NARS2: variants seen among roughly 807,000 people sequenced by gnomAD.
The protein encoded by NARS2 is asparaginyl-tRNA synthetase.
Under a neutral mutation model 62.9 loss-of-function variants are expected in NARS2, and 60 were observed. The ratio of observed to expected loss-of-function variants is 0.95; its 90% confidence interval spans 0.77 to 1.18. The LOEUF is 1.18. NARS2 is among the 50% of genes most tolerant of loss of function. The pLI, the probability that NARS2 is intolerant of heterozygous loss-of-function variation, is 0.00. For synonymous variants in NARS2, 196 were observed against 200.0 expected, an observed-to-expected ratio of 0.98 and a Z score of 0.17; for missense variants, 619 against 576.4, an observed-to-expected ratio of 1.07 and a Z score of -0.76.
chr11:78,517,824 TTCC>T (rs1860968235), intron 6 of NARS2, among the ~76,000 whole-genome samples: 1 of 152,238 alleles, frequency 6.6e-6, no homozygotes, highest in South Asian at 2.1e-4. Context: ...TATGACGAAG[TTCC>T]TCATTTATAC....
intron 9 of NARS2, among the ~76,000 whole-genome samples, chr11:78,477,342 G>A (rs1406271953): frequency 2.0e-5 from 3 of 152,006 alleles, no homozygotes; most frequent in African/African-American, 4.8e-5. Flanking sequence ...CTGTGTTCCC[G>A]ATACCACCCC....
At chr11:78,523,874 C>A (rs1212539671) in intron 6 of NARS2, among the ~76,000 whole-genome samples, 1 of 151,990 alleles carries the variant, frequency 6.6e-6, no homozygotes, top group Non-Finnish European at 1.5e-5. Context: ...AGTGATAAAA[C>A]CTTAAAATTA....
intron 9 of NARS2, among the ~76,000 whole-genome samples, chr11:78,470,882 A>T (rs1220593818): frequency 7.4e-6 from 1 of 135,148 alleles, no homozygotes; most frequent in East Asian, 2.1e-4. Context: ...AGTATTTTGG[A>T]TTTTTTTTTT....
intron 1 of NARS2, among the ~76,000 whole-genome samples, chr11:78,572,245 AG>A (rs1484380355): frequency 6.6e-6 from 1 of 152,216 alleles, no homozygotes; most frequent in African/African-American, 2.4e-5. Context: ...CACTTGTTAA[AG>A]TTAACATTTA....
At chr11:78,492,328 G>A (rs1024961317) in intron 7 of NARS2, among the ~76,000 whole-genome samples, 1 of 152,070 alleles carries the variant, frequency 6.6e-6, no homozygotes, top group South Asian at 2.1e-4. Flanking sequence ...GCACTGTCTG[G>A]ATTATGTCTA....
chr11:78,572,731 T>A (rs1856975132), intron 1 of NARS2, among the ~76,000 whole-genome samples: 2 of 152,240 alleles, frequency 1.3e-5, no homozygotes. Context: ...ATGTTTAATT[T>A]AAAATTTCTT....
At chr11:78,480,647 T>C (rs1859312514) in intron 7 of NARS2, among the ~76,000 whole-genome samples, 1 of 149,322 alleles carries the variant, frequency 6.7e-6, no homozygotes, top group Non-Finnish European at 1.5e-5. Flanking sequence ...GGTGAGCATG[T>C]GGCTATTTAA....
chr11:78,531,533 G>A (rs1861480328), intron 5 of NARS2, among the ~76,000 whole-genome samples: 1 of 151,780 alleles, frequency 6.6e-6, no homozygotes, highest in Non-Finnish European at 1.5e-5. Flanking sequence ...TTAAAATGAG[G>A]TACATAAACA....
intron 9 of NARS2, among the ~76,000 whole-genome samples, chr11:78,471,520 C>CTTTTTTTT (rs139839568): frequency 6.6e-6 from 1 of 151,210 alleles, no homozygotes. Flanking sequence ...ATTGAACTAT[C>CTTTTTTTT]TTTTTTTTTC....
intron 9 of NARS2, among the ~76,000 whole-genome samples, chr11:78,475,057 A>G (rs991590921): frequency 6.6e-6 from 1 of 152,146 alleles, no homozygotes; most frequent in African/African-American, 2.4e-5. Flanking sequence ...CCCCTTGGAC[A>G]ATTTCTTTCC....
chr11:78,560,007 T>C (rs1856502992), intron 4 of NARS2, among the ~76,000 whole-genome samples: 1 of 152,210 alleles, frequency 6.6e-6, no homozygotes, highest in South Asian at 2.1e-4. Context: ...TTGGTGGTGA[T>C]TTAACAAACA....
At chr11:78,573,078 G>A (rs1415423536) in intron 1 of NARS2, 1 of 151,992 alleles carries the variant, frequency 6.6e-6, no homozygotes, top group Non-Finnish European at 1.5e-5. Flanking sequence ...CCAATCAATA[G>A]ACCAACAGAC....
At chr11:78,569,277 A>G (rs7942527) in intron 2 of NARS2, among the ~76,000 whole-genome samples, 101,258 of 152,060 alleles carry the variant, frequency 0.67, 35,320 homozygotes, top group Non-Finnish European at 0.79. Flanking sequence ...AGAATCATCT[A>G]TCAAAAAAGG....
chr11:78,518,443 T>TC (rs1276956846), intron 6 of NARS2, among the ~76,000 whole-genome samples: 1 of 152,228 alleles, frequency 6.6e-6, no homozygotes, highest in Non-Finnish European at 1.5e-5. Context: ...GACAGACTTG[T>TC]CTTCAAGGGA....
In NARS2 at chr11:78,542,459, T is replaced by C. The variant is rs532813865; in HGVS notation, c.595-13523A>G. 3.0e-4 allele frequency among the ~76,000 whole-genome samples: 45 copies of C among 152,266 alleles called. 1 individual carries two copies. Among genetic ancestry groups the C allele is most frequent in the African/African-American group, 1.1e-3 (45 of 41,544 alleles). On this transcript the variant is annotated intron_variant, in intron 5 of 13. Transcript: ENST00000281038. ...TTTTTTCACTATTGCTTGAAAAATA[T>C]TAATTTTGGCTTATTCATTGTCAGA...
chr11:78,448,414 C>T (rs1006063253), intron 11 of NARS2, among the ~76,000 whole-genome samples: 1 of 151,574 alleles, frequency 6.6e-6, no homozygotes, highest in African/African-American at 2.4e-5. Flanking sequence ...CCTCAGCCTC[C>T]CGAGTAGCTG....
At chr11:78,456,844 G>A (rs1385400774) in intron 11 of NARS2, among the ~76,000 whole-genome samples, 1 of 152,284 alleles carries the variant, frequency 6.6e-6, no homozygotes, top group South Asian at 2.1e-4. Flanking sequence ...CAGCCTCAGA[G>A]GCATATGGCA....
chr11:78,536,529 CA>C (rs1156675216), intron 5 of NARS2, among the ~76,000 whole-genome samples: 1 of 150,836 alleles, frequency 6.6e-6, no homozygotes, highest in African/African-American at 2.4e-5. Flanking sequence ...TAGTTTTTAA[CA>C]AAAATGTATA....
intron 6 of NARS2, among the ~76,000 whole-genome samples, chr11:78,526,864 G>A (rs1861314131): frequency 6.6e-6 from 1 of 152,102 alleles, no homozygotes; most frequent in Non-Finnish European, 1.5e-5. Flanking sequence ...AGGCTGTTAA[G>A]AAAGGTTATC....
Sources: gnomAD v4.1 joint callset for allele counts (sites outside exome capture counted in the v4.1 genomes callset) on GRCh38, gnomAD v4.1.1 for gene constraint, MANE v1.5 for transcripts, NCBI Gene and HGNC (gene_info 2026-07-23, HGNC 2026-07-21) for gene names.